The following NCBP1 variants were observed in gnomAD, a reference collection of about 807,000 sequenced individuals.
The protein encoded by NCBP1 is nuclear cap binding protein subunit 1, also known as nuclear cap-binding protein subunit 1.
In NCBP1, 16 loss-of-function variants were observed where a neutral mutation model predicts 111.7. The ratio of observed to expected loss-of-function variants is 0.14; its 90% CI spans 0.10 to 0.22. NCBP1 has a LOEUF of 0.22. NCBP1 is among the 10% of genes least tolerant of loss of function. NCBP1 has a pLI of 1.00. For missense variants in NCBP1, 607 were observed against 957.5 expected (o/e 0.63, Z 4.83); for synonymous variants, 304 against 314.3 (o/e 0.97, Z 0.35).
Position 97,650,531 on chromosome 9 carries a change from T to C in NCBP1, c.926T>C (p.Val309Ala). ...CCTGTCATGCCAGGGAGTCATTCAG[T>C]GGAAAGATTTGTAATAGAAGAGAAT... ...EGPVMPGSHSVERFVIEENLH... is the reference protein window; with the variant it reads ...EGPVMPGSHSAERFVIEENLH... Residue 309 changes from valine to alanine, a missense_variant, in exon 9 of 23, where the codon GTG becomes GCG. Coordinates refer to ENST00000375147, the MANE Select transcript of NCBP1 (RefSeq NM_002486.5). 1 of 1,613,486 alleles carries C rather than the reference T, an allele frequency of 6.2e-7. No individual in the cohort carries two copies.
intron 1 of NCBP1, among the ~76,000 whole-genome samples, chr9:97,640,080 T>G (rs1004307356): frequency 1.3e-5 from 2 of 152,052 alleles, no homozygotes; most frequent in African/African-American, 4.8e-5. Context: ...TCAGGACTTT[T>G]CTTTGAATAT....
At chr9:97,636,397 G>C (rs917507860) in intron 1 of NCBP1, among the ~76,000 whole-genome samples, 1 of 150,128 alleles carries the variant, frequency 6.7e-6, no homozygotes, top group African/African-American at 2.4e-5. Flanking sequence ...GTCAGTCACT[G>C]CCCTGACTTT....
chr9:97,654,096 A>G (rs528912284), intron 11 of NCBP1, among the ~76,000 whole-genome samples, 188 bp downstream of exon 11: 1 of 152,324 alleles, frequency 6.6e-6, no homozygotes, highest in Admixed American at 6.5e-5. Context: ...ATGTAGATAC[A>G]TCCTTCACTA....
intron 6 of NCBP1, 45 bp from the exon 7 acceptor site, chr9:97,647,447 C>A: frequency 6.8e-7 from 1 of 1,469,330 alleles, no homozygotes; most frequent in South Asian, 1.2e-5. Context: ...CTGAGCATCT[C>A]TTGTTTTTAA....
At chr9:97,666,522 A>G (rs1003825926) in intron 19 of NCBP1, among the ~76,000 whole-genome samples, 1 of 152,226 alleles carries the variant, frequency 6.6e-6, no homozygotes, top group Non-Finnish European at 1.5e-5. Context: ...GAAATAAGAA[A>G]AATGACTACA....
chr9:97,657,918 ATATATATATTTT>A (rs1564025533), intron 14 of NCBP1, among the ~76,000 whole-genome samples: 1 of 103,442 alleles, frequency 9.7e-6, no homozygotes, highest in African/African-American at 5.1e-5. Context: ...ATATATATAT[ATATATATATTTT>A]TTTTTTTTTT....
chr9:97,649,579 GAT>G (rs749865577), intron 8 of NCBP1, among the ~76,000 whole-genome samples: 3 of 152,126 alleles, frequency 2.0e-5, no homozygotes, highest in Non-Finnish European at 4.4e-5. Context: ...AAATTTCTCA[GAT>G]AATCAGTTAC....
chr9:97,636,317 T>C (rs1459138228), intron 1 of NCBP1, among the ~76,000 whole-genome samples: 1 of 151,740 alleles, frequency 6.6e-6, no homozygotes, highest in Non-Finnish European at 1.5e-5. Context: ...TATTTTAAAA[T>C]AGGGTAGGAA....
chr9:97,652,099 G>T (rs1350457850), intron 10 of NCBP1, among the ~76,000 whole-genome samples: 1 of 152,208 alleles, frequency 6.6e-6, no homozygotes, highest in East Asian at 1.9e-4. Context: ...CGCCTCCGGG[G>T]TTCAAGCAAT....
intron 1 of NCBP1, chr9:97,634,635 G>GT (rs1826943808): frequency 6.6e-6 from 1 of 152,110 alleles, no homozygotes; most frequent in African/African-American, 2.4e-5. Context: ...AATAATTCTA[G>GT]TTTTAACAAC....
intron 15 of NCBP1, among the ~76,000 whole-genome samples, chr9:97,659,077 GTGTGGTAT>G (rs1257926370): frequency 6.6e-6 from 1 of 152,226 alleles, no homozygotes; most frequent in East Asian, 1.9e-4. Context: ...TCTTGTTCAG[GTGTGGTAT>G]TGAGAACATA....
At chr9:97,653,993 T>C (rs1237813158) in intron 11 of NCBP1, 85 bp downstream of exon 11, 7 of 1,228,424 alleles carry the variant, frequency 5.7e-6, no homozygotes, top group Non-Finnish European at 6.9e-6. Flanking sequence ...GGTTTAAATT[T>C]TGTAGGTAAA....
At chr9:97,661,758 A>G (rs1028937043) in intron 16 of NCBP1, among the ~76,000 whole-genome samples, 20 of 147,188 alleles carry the variant, frequency 1.4e-4, no homozygotes, top group African/African-American at 4.8e-4. Context: ...TTTGGTATTA[A>G]TATAATAGAG....
intron 8 of NCBP1, among the ~76,000 whole-genome samples, chr9:97,649,294 G>A (rs1827433794): frequency 6.6e-6 from 1 of 152,076 alleles, no homozygotes; most frequent in South Asian, 2.1e-4. Context: ...GTACTATCCT[G>A]TGTATTGTAA....
chr9:97,652,809 G>A (rs1294044844), intron 10 of NCBP1, among the ~76,000 whole-genome samples: 1 of 152,202 alleles, frequency 6.6e-6, no homozygotes, highest in African/African-American at 2.4e-5. Flanking sequence ...TATACTTAAT[G>A]CTGTGAACTT....
chr9:97,665,693 G>A (rs964975590), intron 19 of NCBP1, among the ~76,000 whole-genome samples: 1 of 152,136 alleles, frequency 6.6e-6, no homozygotes, highest in Non-Finnish European at 1.5e-5. Context: ...GTCAAAATTT[G>A]TAGAAGGAAG....
chr9:97,652,959 G>A (rs1208221827), intron 10 of NCBP1, among the ~76,000 whole-genome samples: 4 of 152,056 alleles, frequency 2.6e-5, no homozygotes, highest in Admixed American at 6.5e-5. Context: ...TTCTAGACAG[G>A]TGGTCCACCA....
In NCBP1 at chr9:97,670,981, T is replaced by C. The variant is rs544334065; in HGVS notation, c.2260-105T>C. ...TATCAGCACTTTTTTTTCCCCTTCC[T>C]CTTTTCATCATTCTGCAGCATGGGT... is the stretch of plus-strand genomic sequence containing the variant. On this transcript the variant is annotated intron_variant, in intron 22 of 22. Coordinates refer to ENST00000375147, the MANE Select transcript of NCBP1 (RefSeq NM_002486.5). The C allele has an allele frequency of 4.1e-5, 26 of 637,418 alleles. No homozygotes were observed. In the East Asian group the frequency reaches 7.3e-4, roughly 18 times the overall value. The allele number at this position is 637,418 out of a possible 1,614,324, so 39.5% of individuals were successfully genotyped here.
At chr9:97,658,852 T>C (rs1450060349) in intron 15 of NCBP1, 109 bp downstream of exon 15, 3 of 795,856 alleles carry the variant, frequency 3.8e-6, no homozygotes, top group South Asian at 3.1e-5. Context: ...TTGGGGTTTA[T>C]ATTTCCTGTA....
Sources: gnomAD v4.1 joint callset for allele counts (sites outside exome capture counted in the v4.1 genomes callset) on GRCh38, gnomAD v4.1.1 for gene constraint, MANE v1.5 for transcripts, NCBI Gene and HGNC (gene_info 2026-07-23, HGNC 2026-07-21) for gene names.